Variants in MAPKAP1 observed in about 807,000 individuals in gnomAD.
MAPKAP1 encodes the protein MAPK associated protein 1.
In MAPKAP1, 20 loss-of-function variants were observed where a neutral mutation model predicts 65.7. The ratio of observed to expected loss-of-function variants is 0.30; its 90% confidence interval spans 0.21 to 0.44. The LOEUF (loss-of-function observed/expected upper bound fraction) is 0.44. Ranked by LOEUF, MAPKAP1 falls within the 20% of genes least tolerant of loss-of-function variation. The pLI is 1.00. For missense variants in MAPKAP1, 423 were observed against 648.0 expected, an observed-to-expected ratio of 0.65 and a Z score of 3.77; for synonymous variants, 222 against 244.3, an observed-to-expected ratio of 0.91 and a Z score of 0.85.
At chr9:125,649,968 A>G (rs372109583) in intron 4 of MAPKAP1, among the ~76,000 whole-genome samples, 2 of 152,276 alleles carry the variant, frequency 1.3e-5, no homozygotes, top group East Asian at 3.9e-4. Flanking sequence ...GCCCTCTTTC[A>G]GTGCTTCCTA....
chr9:125,676,164 T>C (rs1423470337), intron 1 of MAPKAP1, among the ~76,000 whole-genome samples: 3 of 152,164 alleles, frequency 2.0e-5, no homozygotes, highest in Non-Finnish European at 4.4e-5. Flanking sequence ...TATGAAGGAA[T>C]GAAAACTGGG....
chr9:125,656,831 C>G (rs1163134678), intron 4 of MAPKAP1, among the ~76,000 whole-genome samples: 1 of 152,140 alleles, frequency 6.6e-6, no homozygotes, highest in Non-Finnish European at 1.5e-5. Flanking sequence ...CTCAGGTCAG[C>G]ACAGAGACAC....
At chr9:125,622,858 C>G (rs978754661) in intron 4 of MAPKAP1, among the ~76,000 whole-genome samples, 13 of 152,138 alleles carry the variant, frequency 8.5e-5, no homozygotes, top group African/African-American at 3.1e-4. Context: ...TCATGCGGAG[C>G]CGAAGCTGGA....
chr9:125,620,589 A>C (rs1832868565), intron 4 of MAPKAP1, among the ~76,000 whole-genome samples: 1 of 152,226 alleles, frequency 6.6e-6, no homozygotes, highest in Admixed American at 6.5e-5. Context: ...TAATAGTAAA[A>C]GATTAGAAAC....
intron 8 of MAPKAP1, among the ~76,000 whole-genome samples, chr9:125,502,531 A>G: frequency 6.6e-6 from 1 of 152,124 alleles, no homozygotes; most frequent in Non-Finnish European, 1.5e-5. Flanking sequence ...TCTAATTTCT[A>G]TTATTATTTC....
intron 5 of MAPKAP1, among the ~76,000 whole-genome samples, chr9:125,561,631 C>G (rs1355670316): frequency 3.9e-5 from 6 of 152,256 alleles, no homozygotes; most frequent in African/African-American, 1.4e-4. Context: ...TAAGAGAGCT[C>G]TGTGGTCAGA....
chr9:125,449,833 A>G (rs1249214501), intron 10 of MAPKAP1, among the ~76,000 whole-genome samples: 1 of 152,226 alleles, frequency 6.6e-6, no homozygotes, highest in Admixed American at 6.5e-5. Context: ...TTAAACATAC[A>G]TGAACAGCAC....
intron 5 of MAPKAP1, among the ~76,000 whole-genome samples, chr9:125,565,907 G>T (rs1440204316): frequency 6.6e-6 from 1 of 152,154 alleles, no homozygotes; most frequent in African/African-American, 2.4e-5. Context: ...ACTAGCAATT[G>T]GGAAATGTTG....
intron 10 of MAPKAP1, among the ~76,000 whole-genome samples, chr9:125,453,304 G>A (rs1323621288): frequency 6.6e-6 from 1 of 152,258 alleles, no homozygotes; most frequent in East Asian, 1.9e-4. Flanking sequence ...GACCTCAGAT[G>A]ATCTATCTGC....
chr9:125,442,168 G>C (rs1460009297), intron 11 of MAPKAP1, among the ~76,000 whole-genome samples: 10 of 148,440 alleles, frequency 6.7e-5, no homozygotes. Context: ...AGAGGTGGGA[G>C]AAGTACTATC....
At chr9:125,590,049 T>G (rs1364269842) in intron 4 of MAPKAP1, among the ~76,000 whole-genome samples, 1 of 152,200 alleles carries the variant, frequency 6.6e-6, no homozygotes, top group African/African-American at 2.4e-5. Context: ...ACCCTCCTTT[T>G]CAGACCCAGA....
chr9:125,492,511 A>G (rs1854772613), intron 8 of MAPKAP1, among the ~76,000 whole-genome samples: 1 of 152,208 alleles, frequency 6.6e-6, no homozygotes, highest in South Asian at 2.1e-4. Flanking sequence ...TATAGTTTTA[A>G]AAGTGTTTTC....
Position 125,517,401 on chromosome 9 carries a change from C to T in MAPKAP1, c.959-10984G>A, listed in dbSNP as rs1329654506. ...TTTTTCCAGGGTTGGGGTGGGGGTTCTTTTTCTAAGTTAAGTGATTTACAG... is the reference window on the plus strand; with the variant it reads ...TTTTTCCAGGGTTGGGGTGGGGGTTTTTTTTCTAAGTTAAGTGATTTACAG... On this transcript the variant is annotated intron_variant, in intron 7 of 11. Coordinates refer to ENST00000265960, the MANE Select transcript of MAPKAP1 (RefSeq NM_001006617.3). Among the ~76,000 whole-genome samples, 5 of 152,028 alleles carry T rather than the reference C, an allele frequency of 3.3e-5. No individual in the cohort carries two copies. The East Asian group carries it at 7.7e-4, about 24-fold the overall frequency.
chr9:125,512,682 C>T (rs903206111), intron 7 of MAPKAP1, among the ~76,000 whole-genome samples: 4 of 150,990 alleles, frequency 2.6e-5, no homozygotes, highest in Admixed American at 1.3e-4. Flanking sequence ...CCCGGGTTCA[C>T]GCTATTCTCC....
intron 5 of MAPKAP1, among the ~76,000 whole-genome samples, chr9:125,577,546 C>T (rs866250100): frequency 7.2e-6 from 1 of 138,748 alleles, no homozygotes. Context: ...GCCGGCCGCC[C>T]CGTCCAGGAG....
intron 4 of MAPKAP1, among the ~76,000 whole-genome samples, chr9:125,634,470 A>G (rs2131693999): frequency 6.6e-6 from 1 of 152,348 alleles, no homozygotes; most frequent in South Asian, 2.1e-4. Context: ...AAATTTAGCA[A>G]TAACAGCAAT....
chr9:125,649,205 G>A (rs1304557961), intron 4 of MAPKAP1, among the ~76,000 whole-genome samples: 1 of 152,048 alleles, frequency 6.6e-6, no homozygotes, highest in Non-Finnish European at 1.5e-5. Context: ...TTGTCTCCTG[G>A]GCTAGACCTC....
intron 4 of MAPKAP1, among the ~76,000 whole-genome samples, chr9:125,589,697 C>A (rs193218568): frequency 2.7e-4 from 41 of 152,294 alleles, no homozygotes; most frequent in Admixed American, 1.4e-3. Context: ...TAGAGTAATT[C>A]CACTTTGCAC....
intron 8 of MAPKAP1, among the ~76,000 whole-genome samples, chr9:125,503,866 G>A (rs1829055813): frequency 8.1e-6 from 1 of 122,756 alleles, no homozygotes; most frequent in South Asian, 2.7e-4. Context: ...ATAGGCACCC[G>A]CCACCACGCT....
Sources: allele counts gnomAD v4.1 joint callset (sites outside exome capture counted in the v4.1 genomes callset), GRCh38; gene constraint gnomAD v4.1.1; transcripts MANE v1.5; gene names NCBI Gene and HGNC (gene_info 2026-07-23, HGNC 2026-07-21).